The following GRIP1 variants were observed in gnomAD, a reference collection of about 807,000 sequenced individuals.
The protein encoded by GRIP1 is glutamate receptor interacting protein 1, also known as glutamate receptor-interacting protein 1.
GRIP1 carries 45 observed loss-of-function variants against 129.9 expected under a neutral mutation model. That is an observed-to-expected ratio of 0.35 (90% CI 0.27 to 0.44). The LOEUF (loss-of-function observed/expected upper bound fraction) is 0.44. Ranked by LOEUF, GRIP1 falls within the 20% of genes least tolerant of loss-of-function variation. The probability of loss-of-function intolerance (pLI) is 1.00; values close to 1 mark genes in which losing one functional copy is unlikely to be tolerated. For synonymous variants in GRIP1, 530 were observed against 520.8 expected, an observed-to-expected ratio of 1.02 and a Z score of -0.24; for missense variants, 1,196 against 1,396.8, an observed-to-expected ratio of 0.86 and a Z score of 2.29.
chr12:66,496,231 C>A lies in GRIP1; in HGVS notation c.724+19388G>T, dbSNP rs190882147. On this transcript the variant is annotated intron_variant, in intron 7 of 24. Transcript: ENST00000359742. ...ACCTGAACGTGTCTAAGAGCATCTCCTTTTACCAGTACCTGCAAGGTTCAG... is the reference window on the plus strand; with the variant it reads ...ACCTGAACGTGTCTAAGAGCATCTCATTTTACCAGTACCTGCAAGGTTCAG... 1.5e-3 allele frequency among the ~76,000 whole-genome samples: 223 copies of A among 152,248 alleles called. 2 individuals carry two copies. Among genetic ancestry groups the A allele is most frequent in the African/African-American group, 4.2e-3 (176 of 41,544 alleles).
intron 1 of GRIP1, among the ~76,000 whole-genome samples, chr12:66,865,693 TTCTATC>T (rs1351272768): frequency 1.3e-5 from 2 of 152,078 alleles, no homozygotes. Flanking sequence ...CCTCAGCTTT[TTCTATC>T]TCTATCTTCT....
intron 1 of GRIP1, among the ~76,000 whole-genome samples, chr12:66,814,553 T>C (rs1420317010): frequency 6.7e-6 from 1 of 150,028 alleles, no homozygotes; most frequent in East Asian, 1.9e-4. Flanking sequence ...TGAATACTTA[T>C]TATGTGTCCA....
chr12:67,002,862 T>C (rs141468488), intron 1 of GRIP1, among the ~76,000 whole-genome samples: 3 of 152,326 alleles, frequency 2.0e-5, no homozygotes, highest in Non-Finnish European at 4.4e-5. Context: ...GAAATCAGAA[T>C]CACAGTTGGC....
chr12:66,637,473 T>C (rs1353520906), intron 1 of GRIP1, among the ~76,000 whole-genome samples: 1 of 152,064 alleles, frequency 6.6e-6, no homozygotes, highest in African/African-American at 2.4e-5. Flanking sequence ...TTTAAATGAA[T>C]AAAAATATGC....
intron 1 of GRIP1, among the ~76,000 whole-genome samples, chr12:67,006,212 A>G (rs1592457325): frequency 6.6e-6 from 1 of 152,212 alleles, no homozygotes; most frequent in East Asian, 1.9e-4. Context: ...CAAGTGAAAA[A>G]CCACTTTCCC....
intron 2 of GRIP1, among the ~76,000 whole-genome samples, chr12:66,593,721 C>G (rs1000052741): frequency 6.6e-6 from 1 of 152,100 alleles, no homozygotes. Context: ...CAACTTTGGA[C>G]CACTGGGAGT....
At chr12:66,815,846 T>TCTCTC (rs1566036739) in intron 1 of GRIP1, among the ~76,000 whole-genome samples, 3 of 48,026 alleles carry the variant, frequency 6.2e-5, no homozygotes, top group South Asian at 7.0e-4. Flanking sequence ...CTTTCTTTCT[T>TCTCTC]TCTTTCTTTC....
chr12:66,688,623 T>G (rs750661268), intron 1 of GRIP1, among the ~76,000 whole-genome samples: 5 of 152,122 alleles, frequency 3.3e-5, no homozygotes, highest in Non-Finnish European at 7.4e-5. Flanking sequence ...CTTGTCTTCC[T>G]AAGTTCATTA....
chr12:66,809,685 A>ATTT (rs2039066607), intron 1 of GRIP1, among the ~76,000 whole-genome samples: 1 of 150,248 alleles, frequency 6.7e-6, no homozygotes, highest in African/African-American at 2.5e-5. Flanking sequence ...TTTGAGACAG[A>ATTT]ATCTTGGTGT....
In GRIP1 at chr12:66,371,836, C is replaced by A. The variant is rs202030145; in HGVS notation, c.2870G>T (p.Arg957Leu). Residue 957 changes from arginine (R) to leucine (L), a missense_variant, in exon 23 of 25, where the codon CGC becomes CTC. By Grantham distance (102) the Arg-to-Leu change is moderately radical. Transcript: ENST00000359742. ...QLGRQASFQE[R>L]SSSRPHYSQT... ...GCTGTAGTGCGGCCGCGAGCTGCTG[C>A]GCTCCTGGAAGCTGGCCTGTCGCCC... 2 of 1,613,854 alleles carry A rather than the reference C, an allele frequency of 1.2e-6. No homozygotes were observed. The highest frequency in any genetic ancestry group is 1.7e-6 in the Non-Finnish European group (2 of 1,179,864).
In GRIP1 at chr12:66,882,134, T is replaced by C. The variant is rs1734616158; in HGVS notation, c.58+186916A>G. On this transcript the variant is annotated intron_variant, in intron 1 of 1. Transcript: ENST00000643019. ...GGCAGGCAACCACTTGGTTCCTCTGTCATTAAACATTCAACAGAGACTAAA... is the reference window on the plus strand; with the variant it reads ...GGCAGGCAACCACTTGGTTCCTCTGCCATTAAACATTCAACAGAGACTAAA... Among the ~76,000 whole-genome samples, 3 of 151,196 alleles carry C rather than the reference T, an allele frequency of 2.0e-5. No homozygotes were observed. In the South Asian group the frequency reaches 6.3e-4, roughly 32 times the overall value.
At chr12:66,653,598 G>A (rs532867987) in intron 1 of GRIP1, among the ~76,000 whole-genome samples, 1 of 152,204 alleles carries the variant, frequency 6.6e-6, no homozygotes, top group South Asian at 2.1e-4. Context: ...GGAGGATATC[G>A]AACCCAAGAA....
At chr12:66,719,544 CA>C (rs373571787) in intron 1 of GRIP1, among the ~76,000 whole-genome samples, 40 of 152,222 alleles carry the variant, frequency 2.6e-4, no homozygotes, top group African/African-American at 7.5e-4. Context: ...AAGATTGTTT[CA>C]GGGGAGGACT....
intron 7 of GRIP1, among the ~76,000 whole-genome samples, chr12:66,466,960 C>T (rs1219068505): frequency 6.6e-6 from 1 of 152,104 alleles, no homozygotes; most frequent in Non-Finnish European, 1.5e-5. Context: ...CTGAAAGGTC[C>T]ATGGGAGAGA....
At position 66,894,264 on chromosome 12, in the gene GRIP1, G is replaced by A. The variant is rs183306331; in HGVS notation, c.58+174786C>T. Among the ~76,000 whole-genome samples, 371 of 152,188 alleles carry A rather than the reference G, an allele frequency of 2.4e-3. 1 individual carries two copies. The highest frequency in any genetic ancestry group is 3.4e-3 in the Middle Eastern group (1 of 292). On this transcript the variant is annotated intron_variant, in intron 1 of 1. Transcript: ENST00000643019. The stretch of plus-strand genomic sequence containing the variant: ...AGAGTACACGCACTCCCACAATTCT[G>A]TCTCTCCTCAGGTTCTTCAGTTTCC...
rs1189447997 is a variant in GRIP1, at chr12:66,679,067, C to T, written c.-163G>A. ...TCTTGGCTGATGCAGAGGTCCGCTA[C>T]ATGTCATCTGGCAAATCTGTGTCAT... On this transcript the variant is annotated 5_prime_UTR_variant, in exon 1 of 25. An upstream start codon of the reference 5' UTR is lost. Transcript: ENST00000359742. 2 of 1,518,598 alleles carry T rather than the reference C, an allele frequency of 1.3e-6. No homozygotes were observed. Among genetic ancestry groups the T allele is most frequent in the African/African-American group, 2.8e-5 (2 of 72,414 alleles). The allele number at this position is 1,518,598 out of a possible 1,614,324, so 94.1% of individuals were successfully genotyped here. A position where few individuals can be genotyped will look rare whatever the true frequency, so the allele number is the denominator to read the frequency against.
intron 13 of GRIP1, among the ~76,000 whole-genome samples, chr12:66,442,555 A>G (rs2058498282): frequency 6.6e-6 from 1 of 152,120 alleles, no homozygotes; most frequent in Non-Finnish European, 1.5e-5. Flanking sequence ...TTTTTGAGAC[A>G]GGGTCTCACT....
chr12:66,985,684 CT>C (rs1398236677), intron 1 of GRIP1, among the ~76,000 whole-genome samples: 1 of 152,156 alleles, frequency 6.6e-6, no homozygotes, highest in African/African-American at 2.4e-5. Context: ...AAAATGAGCA[CT>C]GCCACTCAGG....
At chr12:66,670,088 C>T (rs2034003375) in intron 1 of GRIP1, among the ~76,000 whole-genome samples, 1 of 152,152 alleles carries the variant, frequency 6.6e-6, no homozygotes, top group African/African-American at 2.4e-5. Flanking sequence ...TGAGGGTGAA[C>T]TCCTTTGCAT....
Sources: allele counts gnomAD v4.1 joint callset (sites outside exome capture counted in the v4.1 genomes callset), GRCh38; gene constraint gnomAD v4.1.1; transcripts MANE v1.5; gene names NCBI Gene and HGNC (gene_info 2026-07-23, HGNC 2026-07-21).